The following ASB1 variants were observed in gnomAD, a reference collection of about 807,000 sequenced individuals.
ASB1 encodes the protein ankyrin repeat and SOCS box protein 1.
In ASB1, 18 loss-of-function variants were observed where a neutral mutation model predicts 27.7. That is an observed-to-expected ratio of 0.65 (90% CI 0.45 to 0.96). The LOEUF is 0.96. Among genes scored for constraint, ASB1 ranks in the 50% least tolerant of loss-of-function variants. The probability of loss-of-function intolerance (pLI) is 0.00; values close to 1 mark genes in which losing one functional copy is unlikely to be tolerated. For missense variants in ASB1, 397 were observed against 451.7 expected (o/e 0.88, Z 1.10); for synonymous variants, 189 against 187.6 (o/e 1.01, Z -0.06).
chr2:238,437,350 G>A (rs1701991855), intron 3 of ASB1, among the ~76,000 whole-genome samples: 1 of 152,008 alleles, frequency 6.6e-6, no homozygotes, highest in Non-Finnish European at 1.5e-5. Context: ...TCCTTCCTTA[G>A]CCTCCTGAGT....
At chr2:238,435,016 C>T (rs1369171233) in intron 2 of ASB1, among the ~76,000 whole-genome samples, 6 of 152,012 alleles carry the variant, frequency 3.9e-5, no homozygotes, top group African/African-American at 1.2e-4. Flanking sequence ...TGCTCTGGGC[C>T]TCTGAGCTTT....
rs1289065639 is a variant in ASB1 at position 238,450,927 on chromosome 2, T to G, written c.*4416T>G. The G allele has an allele frequency of 6.6e-6, 1 of 152,028 alleles. No homozygotes were observed. Among genetic ancestry groups the G allele is most frequent in the East Asian group, 1.9e-4 (1 of 5,186 alleles). 9.4% of individuals were successfully genotyped at this position (152,028 alleles called of 1,614,324 possible). A position where few individuals can be genotyped will look rare whatever the true frequency, so the allele number is the denominator to read the frequency against. On this transcript the variant is annotated 3_prime_UTR_variant, in exon 5 of 5. Coordinates refer to ENST00000264607, the MANE Select transcript of ASB1 (RefSeq NM_001040445.3). Reference sequence around the variant, plus strand: ...GGCCTGGATCCCTACCGGCTGGGATTGGCCTCCTGGAAGTACCTGTTTGGG... The same window carrying G: ...GGCCTGGATCCCTACCGGCTGGGATGGGCCTCCTGGAAGTACCTGTTTGGG...
Position 238,449,968 on chromosome 2 carries a change from C to G in ASB1, c.*3457C>G, listed in dbSNP as rs199599420. On this transcript the variant is annotated 3_prime_UTR_variant, in exon 5 of 5. Coordinates refer to ENST00000264607, the MANE Select transcript of ASB1 (RefSeq NM_001040445.3). ...CCATCCGTGCGGCCTTGGCCACATCCCTATTAACAGAGGCAGCTCCACTTC... is the reference window on the plus strand; with the variant it reads ...CCATCCGTGCGGCCTTGGCCACATCGCTATTAACAGAGGCAGCTCCACTTC... 1.5e-5 allele frequency: 2 copies of G among 133,478 alleles called. No individual in the cohort carries two copies. Among genetic ancestry groups the G allele is most frequent in the Non-Finnish European group, 3.1e-5 (2 of 64,734 alleles). 8.3% of individuals were successfully genotyped at this position (133,478 alleles called of 1,614,324 possible). A position where few individuals can be genotyped will look rare whatever the true frequency, so the allele number is the denominator to read the frequency against.
intron 1 of ASB1, among the ~76,000 whole-genome samples, chr2:238,430,227 G>A (rs748023787): frequency 1.3e-4 from 20 of 152,152 alleles, no homozygotes; most frequent in Middle Eastern, 3.2e-3. Flanking sequence ...CCACAGTAGC[G>A]CTTCTTTAAA....
chr2:238,427,202 T>A (rs1559410823), intron 1 of ASB1, 83 bp downstream of exon 1: 1 of 1,064,898 alleles, frequency 9.4e-7, no homozygotes, highest in Non-Finnish European at 1.2e-6. Flanking sequence ...AGGTCCTGCG[T>A]CCTCGTCCCG....
rs1702243667 is a variant in ASB1, at chr2:238,449,550, ACT to A, written c.*3042_*3043del. 1 of 152,518 alleles carries A rather than the reference ACT, an allele frequency of 6.6e-6. No homozygotes were observed. The highest frequency in any genetic ancestry group is 1.5e-5 in the Non-Finnish European group (1 of 68,280). The allele number at this position is 152,518 out of a possible 1,614,324, so 9.4% of individuals were successfully genotyped here. The stretch of plus-strand genomic sequence containing the variant: ...GGTGGGGTGGGGGACAACGTTGGTA[ACT>A]CTGAGAATTCAGCTTTGGAGTCCCG... On this transcript the variant is annotated 3_prime_UTR_variant, in exon 5 of 5. Coordinates refer to ENST00000264607, the MANE Select transcript of ASB1 (RefSeq NM_001040445.3).
intron 4 of ASB1, among the ~76,000 whole-genome samples, chr2:238,445,006 G>A (rs529490011): frequency 1.5e-5 from 2 of 134,834 alleles, no homozygotes; most frequent in South Asian, 4.7e-4. Flanking sequence ...TTTTGAGGCA[G>A]GGTCTGGTTC....
chr2:238,443,458 A>G (rs79784164), intron 3 of ASB1, among the ~76,000 whole-genome samples: 17,696 of 152,216 alleles, frequency 0.12, 1,576 homozygotes, highest in Admixed American at 0.26. Flanking sequence ...CTCTGAAAAT[A>G]GGAAATTTTT....
Position 238,446,946 on chromosome 2 carries a change from T to TA in ASB1, c.*436dup, listed in dbSNP as rs1264748230. ...TGAAAAGGGAGTTTCGTAAGCAAAA[T>TA]AGAGGACAGAAATGCAGTTCATGAA... On this transcript the variant is annotated 3_prime_UTR_variant, in exon 5 of 5. Transcript: ENST00000264607. The TA allele has an allele frequency of 4.4e-5, 8 of 182,826 alleles. No homozygotes were observed. The highest frequency in any genetic ancestry group is 6.9e-5 in the Non-Finnish European group (6 of 86,516). The allele number at this position is 182,826 out of a possible 1,614,324, so 11.3% of individuals were successfully genotyped here. A position where few individuals can be genotyped will look rare whatever the true frequency, so the allele number is the denominator to read the frequency against.
intron 3 of ASB1, among the ~76,000 whole-genome samples, chr2:238,441,943 A>C (rs1702085742): frequency 6.6e-6 from 1 of 152,196 alleles, no homozygotes; most frequent in South Asian, 2.1e-4. Context: ...TCATTGCTCA[A>C]ACAATGAATG....
intron 4 of ASB1, among the ~76,000 whole-genome samples, 157 bp from the exon 5 acceptor site, chr2:238,446,227 A>G (rs907046965): frequency 4.6e-5 from 7 of 152,220 alleles, no homozygotes; most frequent in South Asian, 2.1e-4. Flanking sequence ...CTCCTCATCC[A>G]TCAGGAAAAG....
chr2:238,435,968 A>C lies in ASB1; in HGVS notation c.449A>C (p.His150Pro). 1 of 1,613,698 alleles carries C rather than the reference A, an allele frequency of 6.2e-7. No homozygotes were observed. The highest frequency in any genetic ancestry group is 8.5e-7 in the Non-Finnish European group (1 of 1,179,966). Residue 150 changes from histidine (H) to proline (P), a missense_variant, in exon 3 of 5, where the codon CAC becomes CCC. His to Pro is a moderately conservative substitution (Grantham distance 77, BLOSUM62 -2). Transcript: ENST00000264607. The stretch of plus-strand genomic sequence containing the variant: ...CACCATCGCAGCACCCCTGTCTACC[A>C]CGCCTCTCGCGTGGGCCGGGCAGAC... ...SRHHRSTPVY[H>P]ASRVGRADIL...
At position 238,435,672 on chromosome 2, in the gene ASB1, C is replaced by T. The variant is rs538042305; in HGVS notation, c.192-39C>T. 36 of 1,573,342 alleles carry T rather than the reference C, an allele frequency of 2.3e-5. No homozygotes were observed. The South Asian group carries it at 3.5e-4, about 15-fold the overall frequency. On this transcript the variant is annotated intron_variant, in intron 2 of 4. Coordinates refer to ENST00000264607, the MANE Select transcript of ASB1 (RefSeq NM_001040445.3). Reference sequence around the variant, plus strand: ...GGCAGTGCAGCCCGTCCCTGTCCTGCGGCTGCCTCTCATGAGCCCCCTTGT... The same window carrying T: ...GGCAGTGCAGCCCGTCCCTGTCCTGTGGCTGCCTCTCATGAGCCCCCTTGT...
chr2:238,446,692 A>AGCTGAGAG lies in ASB1; in HGVS notation c.*185_*192dup, dbSNP rs1447700737. The AGCTGAGAG allele has an allele frequency of 1.5e-6, 1 of 672,030 alleles. No individual in the cohort carries two copies. The highest frequency in any genetic ancestry group is 1.8e-5 in the African/African-American group (1 of 54,880). 41.6% of individuals were successfully genotyped at this position (672,030 alleles called of 1,614,324 possible). A position where few individuals can be genotyped will look rare whatever the true frequency, so the allele number is the denominator to read the frequency against. On this transcript the variant is annotated 3_prime_UTR_variant, in exon 5 of 5. Coordinates refer to ENST00000264607, the MANE Select transcript of ASB1 (RefSeq NM_001040445.3). ...GCTGAACAGTCCTTGGGTCATTGTC[A>AGCTGAGAG]GCTGAGAGGCTTATACTAAAGTTAT...
At chr2:238,438,980 G>A (rs1175643122) in intron 3 of ASB1, among the ~76,000 whole-genome samples, 1 of 152,186 alleles carries the variant, frequency 6.6e-6, no homozygotes, top group Admixed American at 6.5e-5. Flanking sequence ...ATCTCATCCA[G>A]TATATTTTTA....
intron 4 of ASB1, 120 bp from the exon 5 acceptor site, chr2:238,446,258 GAGCGTT>G: frequency 1.8e-6 from 2 of 1,096,304 alleles, no homozygotes; most frequent in Non-Finnish European, 2.6e-6. Flanking sequence ...GTGTTTCACT[GAGCGTT>G]TTGAAGTTGG....
chr2:238,446,395 A>T lies in ASB1; in HGVS notation c.892A>T (p.Thr298Ser). 3.1e-6 allele frequency: 5 copies of T among 1,608,510 alleles called. No individual in the cohort carries two copies. The highest frequency in any genetic ancestry group is 4.2e-6 in the Non-Finnish European group (5 of 1,177,298). The change falls in exon 5 of 5, where the codon ACC becomes TCC. Residue 298 changes from threonine to serine, a missense_variant. Thr to Ser is a moderately conservative substitution (Grantham distance 58). Coordinates refer to ENST00000264607, the MANE Select transcript of ASB1 (RefSeq NM_001040445.3). ...CCCACGGCCTTCAGGTGTTCCCAGA[A>T]CCTTGCTGTGTCTGTGCCGTGTGGC... ...VFKEARSVPR[T>S]LLCLCRVAVR...
intron 3 of ASB1, among the ~76,000 whole-genome samples, chr2:238,438,890 A>G (rs1702023747): frequency 6.6e-6 from 1 of 152,224 alleles, no homozygotes; most frequent in Admixed American, 6.5e-5. Context: ...TGATTTATTG[A>G]GTTCTCCCAG....
chr2:238,451,094 TGAAAC>T lies in ASB1; in HGVS notation c.*4584_*4588del, dbSNP rs1702275261. On this transcript the variant is annotated 3_prime_UTR_variant, in exon 5 of 5. Coordinates refer to ENST00000264607, the MANE Select transcript of ASB1 (RefSeq NM_001040445.3). The stretch of plus-strand genomic sequence containing the variant: ...CAAACCCGAACCTCTCAGTGTGGAA[TGAAAC>T]AGTTTAGATGTGTACATGATGCACG... 7.0e-6 allele frequency: 1 copy of T among 142,044 alleles called. No homozygotes were observed. Among genetic ancestry groups the T allele is most frequent in the African/African-American group, 2.5e-5 (1 of 39,658 alleles). 8.8% of individuals were successfully genotyped at this position (142,044 alleles called of 1,614,324 possible). A position where few individuals can be genotyped will look rare whatever the true frequency, so the allele number is the denominator to read the frequency against.
Sources: allele counts gnomAD v4.1 joint callset (sites outside exome capture counted in the v4.1 genomes callset), GRCh38; gene constraint gnomAD v4.1.1; transcripts MANE v1.5; gene names NCBI Gene and HGNC (gene_info 2026-07-23, HGNC 2026-07-21).